Variants in TRIM37 observed in about 807,000 individuals in gnomAD.
TRIM37 encodes tripartite motif containing 37.
Under a neutral mutation model 129.8 loss-of-function variants are expected in TRIM37, and 80 were observed. That is an observed-to-expected ratio of 0.62 (90% CI 0.51 to 0.74). The LOEUF is 0.74. TRIM37 is among the 30% of genes least tolerant of loss of function. The pLI, the probability that TRIM37 is intolerant of heterozygous loss-of-function variation, is 0.00. For missense variants in TRIM37, 1,054 were observed against 1,176.5 expected (o/e 0.90, Z 1.52); for synonymous variants, 389 against 387.1 (o/e 1.00, Z -0.06).
intron 19 of TRIM37, among the ~76,000 whole-genome samples, chr17:59,026,272 G>A (rs2037236310): frequency 6.6e-6 from 1 of 152,284 alleles, no homozygotes; most frequent in Non-Finnish European, 1.5e-5. Context: ...CTTAATGGAT[G>A]AAAGACTAAA....
intron 19 of TRIM37, among the ~76,000 whole-genome samples, chr17:59,021,016 AT>A (rs559498774): frequency 1.3e-3 from 192 of 152,356 alleles, no homozygotes; most frequent in Middle Eastern, 3.4e-3. Context: ...TCAAAGAGGT[AT>A]CTGCATTCCC....
intron 23 of TRIM37, among the ~76,000 whole-genome samples, chr17:59,000,054 G>A (rs2033491659): frequency 1.3e-5 from 2 of 152,130 alleles, no homozygotes; most frequent in Admixed American, 1.3e-4. Context: ...TGTCACTCCA[G>A]GATATCTTGC....
chr17:59,067,656 C>A (rs2042021117), intron 9 of TRIM37, among the ~76,000 whole-genome samples: 1 of 152,190 alleles, frequency 6.6e-6, no homozygotes, highest in Admixed American at 6.5e-5. Flanking sequence ...TCTGCCTCAG[C>A]CTCCGGAGTA....
At chr17:59,052,423 C>T (rs1001030066) in intron 13 of TRIM37, among the ~76,000 whole-genome samples, 2 of 152,118 alleles carry the variant, frequency 1.3e-5, no homozygotes, top group Non-Finnish European at 2.9e-5. Flanking sequence ...GTTAGCTGTT[C>T]ATTTTTTTCT....
At chr17:59,103,297 C>T (rs563468825) in intron 2 of TRIM37, among the ~76,000 whole-genome samples, 38 of 152,268 alleles carry the variant, frequency 2.5e-4, no homozygotes, top group African/African-American at 8.9e-4. Context: ...TGCTATTGGA[C>T]TCTCGCATAC....
At chr17:59,017,725 A>G (rs1389522533) in intron 19 of TRIM37, among the ~76,000 whole-genome samples, 1 of 152,010 alleles carries the variant, frequency 6.6e-6, no homozygotes, top group African/African-American at 2.4e-5. Flanking sequence ...CCTGGGTTCA[A>G]GCAATTCTCC....
intron 17 of TRIM37, among the ~76,000 whole-genome samples, chr17:59,033,730 T>C (rs1366259346): frequency 6.6e-6 from 1 of 151,870 alleles, no homozygotes; most frequent in Non-Finnish European, 1.5e-5. Flanking sequence ...TGTTTTTACC[T>C]CTTTTCTTTT....
At chr17:59,007,785 G>A (rs2034730007) in intron 22 of TRIM37, among the ~76,000 whole-genome samples, 1 of 152,144 alleles carries the variant, frequency 6.6e-6, no homozygotes, top group Admixed American at 6.5e-5. Context: ...TTTTTAAACT[G>A]ATGCTTAAGA....
intron 17 of TRIM37, among the ~76,000 whole-genome samples, 173 bp from the exon 18 acceptor site, chr17:59,032,263 C>T (rs777915241): frequency 1.3e-5 from 2 of 152,058 alleles, no homozygotes; most frequent in Admixed American, 1.3e-4. Context: ...CGGTGGCTCA[C>T]GCCTGTAATC....
At chr17:59,000,734 T>G (rs1368243536) in intron 23 of TRIM37, among the ~76,000 whole-genome samples, 5 of 152,228 alleles carry the variant, frequency 3.3e-5, no homozygotes, top group African/African-American at 1.2e-4. Context: ...TTTCATAATC[T>G]GCATGTATTT....
chr17:59,023,430 G>T (rs1217995897), intron 19 of TRIM37, among the ~76,000 whole-genome samples: 1 of 152,064 alleles, frequency 6.6e-6, no homozygotes, highest in Admixed American at 6.6e-5. Flanking sequence ...AAGACAGGCA[G>T]ATCACGAGGT....
intron 24 of TRIM37, among the ~76,000 whole-genome samples, chr17:58,991,048 G>A (rs1300338841): frequency 6.8e-6 from 1 of 148,132 alleles, no homozygotes; most frequent in Non-Finnish European, 1.5e-5. Flanking sequence ...GGTGGCGCAC[G>A]CCTGTAATCC....
chr17:58,988,211 CTAGG>C (rs1598740130), intron 24 of TRIM37, among the ~76,000 whole-genome samples: 1 of 152,170 alleles, frequency 6.6e-6, no homozygotes, highest in Admixed American at 6.5e-5. Context: ...CCTGCAGAAA[CTAGG>C]GGAGTCGCCC....
At chr17:59,004,002 G>A (rs1481399074) in intron 22 of TRIM37, among the ~76,000 whole-genome samples, 7 of 151,920 alleles carry the variant, frequency 4.6e-5, no homozygotes, top group Admixed American at 3.3e-4. Flanking sequence ...CTAGCTACTA[G>A]GGAGGCTGAG....
intron 2 of TRIM37, among the ~76,000 whole-genome samples, chr17:59,102,170 A>C (rs1391812964): frequency 6.6e-6 from 1 of 152,194 alleles, no homozygotes; most frequent in Non-Finnish European, 1.5e-5. Context: ...AAAGCTGCTA[A>C]AGTAAATCAA....
intron 2 of TRIM37, among the ~76,000 whole-genome samples, chr17:59,098,456 G>A (rs1378431889): frequency 1.3e-5 from 2 of 151,934 alleles, no homozygotes; most frequent in Non-Finnish European, 2.9e-5. Context: ...CTTGAGCCCA[G>A]GAGTTTGAGG....
At chr17:59,000,663 A>C (rs2033600180) in intron 23 of TRIM37, among the ~76,000 whole-genome samples, 1 of 152,170 alleles carries the variant, frequency 6.6e-6, no homozygotes. Context: ...AAATATTAAT[A>C]GTAGGTTTCT....
intron 24 of TRIM37, chr17:58,983,028 T>G: frequency 9.6e-7 from 1 of 1,045,124 alleles, no homozygotes; most frequent in Non-Finnish European, 1.4e-6. Flanking sequence ...TTGTTGTCTA[T>G]TGGTAATGTT....
At chr17:58,992,589 A>G (rs1192385919) in intron 24 of TRIM37, among the ~76,000 whole-genome samples, 1 of 152,106 alleles carries the variant, frequency 6.6e-6, no homozygotes, top group African/African-American at 2.4e-5. Flanking sequence ...CATGTTGGTC[A>G]GGCTGGTCTC....
Sources: gnomAD v4.1 joint callset for allele counts (sites outside exome capture counted in the v4.1 genomes callset) on GRCh38, gnomAD v4.1.1 for gene constraint, MANE v1.5 for transcripts, NCBI Gene and HGNC (gene_info 2026-07-23, HGNC 2026-07-21) for gene names.